STIM1: variants seen among roughly 807,000 people sequenced by gnomAD.
STIM1 encodes stromal interaction molecule 1.
A neutral mutation model predicts 74.7 loss-of-function variants in STIM1; 25 were observed. The ratio of observed to expected loss-of-function variants is 0.33; its 90% confidence interval spans 0.24 to 0.47. STIM1 has a LOEUF of 0.47. Ranked by LOEUF, STIM1 falls within the 20% of genes least tolerant of loss-of-function variation. The pLI, the probability that STIM1 is intolerant of heterozygous loss-of-function variation, is 1.00. For missense variants in STIM1, 728 were observed against 920.8 expected (o/e 0.79, Z 2.71); for synonymous variants, 328 against 348.8 (o/e 0.94, Z 0.66).
chr11:4,004,805 C>A (rs2093760225), intron 2 of STIM1, among the ~76,000 whole-genome samples: 1 of 152,208 alleles, frequency 6.6e-6, no homozygotes, highest in Admixed American at 6.5e-5. Context: ...AGGCAACTGA[C>A]AAAATGGGAG....
chr11:3,858,515 G>A (rs1432080149), intron 1 of STIM1, among the ~76,000 whole-genome samples: 1 of 152,180 alleles, frequency 6.6e-6, no homozygotes, highest in East Asian at 1.9e-4. Context: ...TAGCACTATT[G>A]TTGTGGTAGG....
At position 4,059,407 on chromosome 11, in the gene STIM1, T is replaced by C. The variant is rs1048701700; in HGVS notation, c.613+11T>C. The C allele has an allele frequency of 6.2e-7, 1 of 1,610,458 alleles. No homozygotes were observed. The highest frequency in any genetic ancestry group is 1.1e-5 in the South Asian group (1 of 90,984). ...TTGGGCCTCCTCTCTGTGAGTCTTG[T>C]GTTGAGAAGGGCTACTGCTGTGCCA... is the stretch of plus-strand genomic sequence containing the variant. On this transcript the variant is annotated intron_variant, in intron 5 of 12. Coordinates refer to ENST00000526596, the MANE Select transcript of STIM1 (RefSeq NM_001382567.1).
intron 1 of STIM1, among the ~76,000 whole-genome samples, chr11:3,858,302 C>G (rs1343394373): frequency 3.3e-5 from 5 of 151,688 alleles, no homozygotes. Context: ...AGGACCACCC[C>G]ATGACTTGAG....
chr11:4,092,063 A>G lies in STIM1; in HGVS notation c.*265A>G. On this transcript the variant is annotated 3_prime_UTR_variant, in exon 13 of 13. Transcript: ENST00000526596. ...CCCTCTCCACTTCAGTGCATGTCTT[A>G]GTTGCTGTTCCCTCAGCTCCCAGCT... is the stretch of plus-strand genomic sequence containing the variant. 1.9e-6 allele frequency: 1 copy of G among 536,722 alleles called. No individual in the cohort carries two copies. The highest frequency in any genetic ancestry group is 3.4e-6 in the Non-Finnish European group (1 of 297,816). 33.2% of individuals were successfully genotyped at this position (536,722 alleles called of 1,614,324 possible). A position where few individuals can be genotyped will look rare whatever the true frequency, so the allele number is the denominator to read the frequency against.
intron 12 of STIM1, chr11:4,088,452 T>C: frequency 2.2e-6 from 1 of 447,758 alleles, no homozygotes; most frequent in South Asian, 2.2e-5. Context: ...GGGATTGCCC[T>C]TACTAGGATT....
chr11:3,983,854 C>G (rs1392622289), intron 2 of STIM1, among the ~76,000 whole-genome samples: 2 of 151,986 alleles, frequency 1.3e-5, no homozygotes, highest in African/African-American at 4.8e-5. Flanking sequence ...TCTGCTCCTC[C>G]TCCTCCTCTT....
chr11:4,024,947 T>C (rs1466659431), intron 3 of STIM1, among the ~76,000 whole-genome samples: 2 of 152,198 alleles, frequency 1.3e-5, no homozygotes, highest in East Asian at 3.8e-4. Context: ...AAGAAATCTC[T>C]CTTCCCAGGG....
intron 2 of STIM1, chr11:3,989,395 C>T (rs1431750858): frequency 5.3e-6 from 4 of 760,352 alleles, no homozygotes; most frequent in Non-Finnish European, 9.9e-6. Context: ...AGCAGACAAC[C>T]GCGCCGATCT....
chr11:4,032,151 C>T (rs773189865), intron 3 of STIM1, among the ~76,000 whole-genome samples: 7 of 152,164 alleles, frequency 4.6e-5, no homozygotes, highest in Non-Finnish European at 1.0e-4. Context: ...CATTGCGTTG[C>T]CACACCTCTC....
chr11:3,861,166 GGCTA>G (rs201805913), intron 1 of STIM1, among the ~76,000 whole-genome samples: 2,811 of 151,896 alleles, frequency 0.019, 47 homozygotes, highest in South Asian at 0.054. Flanking sequence ...CTTCATTGTT[GGCTA>G]GCTACCTCAC....
chr11:3,872,921 A>G (rs2091163933), intron 1 of STIM1, among the ~76,000 whole-genome samples: 1 of 150,412 alleles, frequency 6.6e-6, no homozygotes, highest in African/African-American at 2.4e-5. Context: ...CCTTTAATGC[A>G]CAAGTATTAC....
chr11:3,965,450 T>C (rs1016746045), intron 1 of STIM1, among the ~76,000 whole-genome samples: 3 of 152,220 alleles, frequency 2.0e-5, no homozygotes, highest in Non-Finnish European at 4.4e-5. Context: ...GGGCCTGATA[T>C]ATGAAGAACA....
chr11:4,028,536 G>T (rs1459965464), intron 3 of STIM1, among the ~76,000 whole-genome samples: 1 of 151,478 alleles, frequency 6.6e-6, no homozygotes, highest in Non-Finnish European at 1.5e-5. Context: ...AGCCTCCCGA[G>T]TAGCTGGGAT....
intron 2 of STIM1, among the ~76,000 whole-genome samples, chr11:3,992,707 G>C (rs191789326): frequency 1.4e-4 from 22 of 152,140 alleles, no homozygotes; most frequent in African/African-American, 4.1e-4. Flanking sequence ...ATCCAAGGTC[G>C]TGATGACTTA....
chr11:4,062,249 A>G (rs778730124), intron 5 of STIM1, among the ~76,000 whole-genome samples: 15 of 152,270 alleles, frequency 9.9e-5, no homozygotes, highest in Non-Finnish European at 1.6e-4. Context: ...ATGTACCAAG[A>G]AAGTGAAAAG....
chr11:3,918,469 A>G (rs2092676775), intron 1 of STIM1, among the ~76,000 whole-genome samples: 1 of 151,810 alleles, frequency 6.6e-6, no homozygotes. Flanking sequence ...CTGGGAGGTC[A>G]AGGCTGCAGT....
At chr11:3,901,819 A>G (rs1056493609) in intron 1 of STIM1, among the ~76,000 whole-genome samples, 4 of 152,230 alleles carry the variant, frequency 2.6e-5, no homozygotes, top group African/African-American at 9.6e-5. Flanking sequence ...ACACTCCAGC[A>G]GTGCAGCCAC....
intron 2 of STIM1, among the ~76,000 whole-genome samples, chr11:4,013,881 AT>A (rs1279207168): frequency 6.7e-6 from 1 of 149,776 alleles, no homozygotes; most frequent in Non-Finnish European, 1.5e-5. Context: ...ATTTTTTTGT[AT>A]TTTTTTAGTA....
chr11:3,936,493 C>A (rs911202162), intron 1 of STIM1, among the ~76,000 whole-genome samples: 13 of 152,202 alleles, frequency 8.5e-5, no homozygotes, highest in Non-Finnish European at 1.8e-4. Context: ...GCCTTTTGCT[C>A]AGCCTTTGCT....
Sources: gnomAD v4.1 joint callset for allele counts (sites outside exome capture counted in the v4.1 genomes callset) on GRCh38, gnomAD v4.1.1 for gene constraint, MANE v1.5 for transcripts, NCBI Gene and HGNC (gene_info 2026-07-23, HGNC 2026-07-21) for gene names.